The following PLEKHG1 variants were observed in gnomAD, a reference collection of about 807,000 sequenced individuals.
The protein encoded by PLEKHG1 is pleckstrin homology domain-containing family G member 1.
PLEKHG1 carries 44 observed loss-of-function variants against 100.8 expected under a neutral mutation model. The observed-to-expected ratio is 0.44, with a 90% CI of 0.34 to 0.56. The LOEUF is 0.56. Ranked by LOEUF, PLEKHG1 falls within the 20% of genes least tolerant of loss-of-function variation. PLEKHG1 has a pLI of 0.01. For synonymous variants in PLEKHG1, 640 were observed against 662.5 expected, an observed-to-expected ratio of 0.97 and a Z score of 0.52; for missense variants, 1,545 against 1,720.9, an observed-to-expected ratio of 0.90 and a Z score of 1.81.
chr6:150,675,880 C>T (rs759714464), intron 3 of PLEKHG1, among the ~76,000 whole-genome samples: 14 of 152,210 alleles, frequency 9.2e-5, no homozygotes, highest in Non-Finnish European at 1.9e-4. Context: ...ACTGTATAAA[C>T]ATTTATTGCA....
intron 4 of PLEKHG1, among the ~76,000 whole-genome samples, chr6:150,787,106 AAGTTT>A (rs1324589967): frequency 2.0e-5 from 3 of 152,050 alleles, no homozygotes; most frequent in Non-Finnish European, 2.9e-5. Flanking sequence ...AGTTTAGTGA[AAGTTT>A]AGTTTTAGTG....
At chr6:150,798,960 C>G (rs2131870) in intron 5 of PLEKHG1, among the ~76,000 whole-genome samples, 1 of 151,832 alleles carries the variant, frequency 6.6e-6, no homozygotes, top group African/African-American at 2.4e-5. Context: ...AGGCTGGTCT[C>G]GAACTCCTGA....
At chr6:150,707,249 C>T (rs1258114494) in intron 3 of PLEKHG1, among the ~76,000 whole-genome samples, 2 of 152,068 alleles carry the variant, frequency 1.3e-5, no homozygotes, top group Non-Finnish European at 2.9e-5. Context: ...GATGATCCAC[C>T]TACCTCAGCC....
chr6:150,801,639 C>CAT (rs201762083), intron 6 of PLEKHG1, among the ~76,000 whole-genome samples: 1,743 of 151,872 alleles, frequency 0.011, 26 homozygotes, highest in Admixed American at 0.028. Context: ...AGAGTTTCAC[C>CAT]ATGTTGCCCA....
At chr6:150,644,352 T>TTTTTTTTTTTTTTTTTTTG (rs1582872452) in intron 2 of PLEKHG1, among the ~76,000 whole-genome samples, 1 of 148,280 alleles carries the variant, frequency 6.7e-6, no homozygotes, top group East Asian at 2.0e-4. Context: ...TTTTTTTTTT[T>TTTTTTTTTTTTTTTTTTTG]GTTACAGAGT....
intron 2 of PLEKHG1, among the ~76,000 whole-genome samples, chr6:150,766,129 A>T (rs996155934): frequency 1.3e-5 from 2 of 152,222 alleles, no homozygotes; most frequent in African/African-American, 4.8e-5. Context: ...ACAGAACATC[A>T]TTCAAATGGT....
At chr6:150,787,335 T>A (rs1457772958) in intron 4 of PLEKHG1, among the ~76,000 whole-genome samples, 2 of 152,238 alleles carry the variant, frequency 1.3e-5, no homozygotes, top group Non-Finnish European at 2.9e-5. Flanking sequence ...AGTGAGCTCG[T>A]GCTCCGAAGT....
intron 4 of PLEKHG1, among the ~76,000 whole-genome samples, chr6:150,789,689 C>T (rs1389990754): frequency 6.6e-6 from 1 of 152,128 alleles, no homozygotes; most frequent in Non-Finnish European, 1.5e-5. Context: ...GGAAAGTCAA[C>T]TTGATATTGT....
intron 3 of PLEKHG1, among the ~76,000 whole-genome samples, chr6:150,659,479 C>T (rs981271737): frequency 6.6e-6 from 1 of 152,058 alleles, no homozygotes; most frequent in Non-Finnish European, 1.5e-5. Context: ...CCAACCTCAC[C>T]TACAAAAGCA....
In PLEKHG1 at chr6:150,600,420, G is replaced by A. The variant is rs1776293541; in HGVS notation, c.-204+403G>A. 2.6e-5 allele frequency among the ~76,000 whole-genome samples: 4 copies of A among 152,156 alleles called. No individual in the cohort carries two copies. The highest frequency in any genetic ancestry group is 9.6e-5 in the African/African-American group (4 of 41,518). Reference sequence around the variant, plus strand: ...CGAGCACCCGGGAGTTGTAGCCACCGCTTCCCCACCCCCGACTCAGCAGGA... The same window carrying A: ...CGAGCACCCGGGAGTTGTAGCCACCACTTCCCCACCCCCGACTCAGCAGGA... On this transcript the variant is annotated intron_variant, in intron 1 of 3. Transcript: ENST00000367326. This position sits in a 1 kb window ranked among gnomAD's most constrained non-coding sequence, Gnocchi z 6.2.
Position 150,831,054 on chromosome 6 carries a change from C to A in PLEKHG1, c.1943C>A (p.Ser648Ter). Residue 648 changes from serine (S) to a stop codon, truncating the protein, a stop_gained, in exon 15 of 16, where the codon TCA becomes TAA. Coordinates refer to ENST00000358517, the Ensembl canonical transcript of PLEKHG1. LOFTEE classifies it high-confidence loss of function. This position sits in a 1 kb window ranked among gnomAD's most constrained non-coding sequence, Gnocchi z 4.1. Reference sequence around the variant, plus strand: ...CAGGAGGAGATGACTCCCTTTGGGTCATCCATAGAGTTGACTATTGATGAC... The same window carrying A: ...CAGGAGGAGATGACTCCCTTTGGGTAATCCATAGAGTTGACTATTGATGAC... The A allele has an allele frequency of 6.2e-7, 1 of 1,613,930 alleles. No individual in the cohort carries two copies. The highest frequency in any genetic ancestry group is 1.1e-5 in the South Asian group (1 of 91,050).
At chr6:150,838,230 T>C (rs146898357) in intron 15 of PLEKHG1, among the ~76,000 whole-genome samples, 3 of 152,320 alleles carry the variant, frequency 2.0e-5, no homozygotes, top group African/African-American at 4.8e-5. Flanking sequence ...GGTTGTCATA[T>C]ATAGGATACA....
chr6:150,613,017 G>T (rs367863112), intron 1 of PLEKHG1, among the ~76,000 whole-genome samples: 63 of 152,236 alleles, frequency 4.1e-4, no homozygotes, highest in African/African-American at 1.2e-3. Flanking sequence ...TAGCCTGTGA[G>T]ACCCTCCCTA....
intron 2 of PLEKHG1, among the ~76,000 whole-genome samples, chr6:150,644,332 G>GGGTTTTTTTTTTTTTTTTTTT (rs1562404967): frequency 5.5e-4 from 53 of 96,550 alleles, no homozygotes; most frequent in African/African-American, 2.1e-3. Flanking sequence ...TTTTCTTTTC[G>GGGTTTTTTTTTTTTTTTTTTT]TGTTTTTTTT....
chr6:150,620,098 T>G (rs1777232125), intron 1 of PLEKHG1, among the ~76,000 whole-genome samples: 1 of 152,226 alleles, frequency 6.6e-6, no homozygotes, highest in Non-Finnish European at 1.5e-5. Context: ...CATATTTTTG[T>G]TTTTTGTCTT....
chr6:150,783,544 A>C (rs1785445103), intron 3 of PLEKHG1, among the ~76,000 whole-genome samples: 1 of 151,868 alleles, frequency 6.6e-6, no homozygotes, highest in Admixed American at 6.6e-5. Flanking sequence ...TAATTTTTGA[A>C]TTTTTGGTAG....
intron 3 of PLEKHG1, among the ~76,000 whole-genome samples, chr6:150,684,283 G>T (rs866773983): frequency 6.6e-6 from 1 of 152,202 alleles, no homozygotes; most frequent in Non-Finnish European, 1.5e-5. Context: ...GCCCCCTGAG[G>T]CTTGGGGATA....
chr6:150,710,986 T>C (rs181098793), intron 3 of PLEKHG1, among the ~76,000 whole-genome samples: 4 of 152,332 alleles, frequency 2.6e-5, no homozygotes, highest in African/African-American at 7.2e-5. Context: ...TCCTTCAGTG[T>C]GTCTGCCTGG....
In PLEKHG1 at chr6:150,795,915, A is replaced by C; in HGVS notation, c.629+13A>C. 3.2e-6 allele frequency: 5 copies of C among 1,547,732 alleles called. No individual in the cohort carries two copies. Among genetic ancestry groups the C allele is most frequent in the Non-Finnish European group, 4.5e-6 (5 of 1,120,496 alleles). On this transcript the variant is annotated intron_variant, in intron 5 of 15. Coordinates refer to ENST00000358517, the Ensembl canonical transcript of PLEKHG1. ...CTAACTATCCAAGGTATGGATCGAG[A>C]ATGGGCCAAGAGTACTTTTGTTCAC... is the stretch of plus-strand genomic sequence containing the variant.
Sources: allele counts gnomAD v4.1 joint callset (sites outside exome capture counted in the v4.1 genomes callset), GRCh38; gene constraint gnomAD v4.1.1; non-coding constraint Gnocchi (gnomAD v3.1); transcripts MANE v1.5; gene names NCBI Gene and HGNC (gene_info 2026-07-23, HGNC 2026-07-21).